Variants in GSE1 observed in about 807,000 individuals in gnomAD.
GSE1 encodes the protein Gse1 coiled-coil protein.
Under a neutral mutation model 112.6 loss-of-function variants are expected in GSE1, and 32 were observed. The ratio of observed to expected loss-of-function variants is 0.28; its 90% CI spans 0.21 to 0.38. The LOEUF is 0.38. Among genes scored for constraint, GSE1 ranks in the 10% least tolerant of loss-of-function variants. The pLI is 1.00. For missense variants in GSE1, 2,348 were observed against 1,699.2 expected, an observed-to-expected ratio of 1.38 and a Z score of -6.71; for synonymous variants, 1,115 against 735.6, an observed-to-expected ratio of 1.52 and a Z score of -8.35.
At position 85,357,524 on chromosome 16, in the gene GSE1, C is replaced by T. The variant is rs1190880153; in HGVS notation, c.2345C>T (p.Thr782Ile). The change falls in exon 2 of 3, where the codon ACC becomes ATC. Residue 782 changes from threonine (T) to isoleucine (I), a missense_variant. By Grantham distance (89) the Thr-to-Ile change is moderately conservative (BLOSUM62 -1). Transcript: ENST00000637419. ...CACCCTCCCACCCGGGAGTCCGAGACCCGGCCACGCGCCCCCACGGAGACC... is the reference window on the plus strand; with the variant it reads ...CACCCTCCCACCCGGGAGTCCGAGATCCGGCCACGCGCCCCCACGGAGACC... The T allele has an allele frequency of 2.4e-6, 3 of 1,269,212 alleles. No individual in the cohort carries two copies. The Admixed American group carries it at 7.6e-5, about 32-fold the overall frequency. The allele number at this position is 1,269,212 out of a possible 1,614,324, so 78.6% of individuals were successfully genotyped here. A position where few individuals can be genotyped will look rare whatever the true frequency, so the allele number is the denominator to read the frequency against.
intron 1 of GSE1, among the ~76,000 whole-genome samples, chr16:85,303,788 C>G (rs574076948): frequency 1.6e-3 from 246 of 152,344 alleles, no homozygotes; most frequent in African/African-American, 5.8e-3. Context: ...AGTTTCCTCA[C>G]GAGTGAAACG....
intron 2 of GSE1, among the ~76,000 whole-genome samples, chr16:85,529,287 G>A (rs529564753): frequency 9.9e-5 from 15 of 152,182 alleles, no homozygotes; most frequent in Non-Finnish European, 2.1e-4. Flanking sequence ...CGTGGCAAGC[G>A]AGCAGCGGCC....
intron 1 of GSE1, among the ~76,000 whole-genome samples, chr16:85,354,884 C>G (rs1216517358): frequency 6.6e-6 from 1 of 152,242 alleles, no homozygotes; most frequent in African/African-American, 2.4e-5. Flanking sequence ...AGCTCAGTCC[C>G]CAGGGTGGGA....
chr16:85,386,833 A>G (rs1248603770), intron 2 of GSE1, among the ~76,000 whole-genome samples: 3 of 151,974 alleles, frequency 2.0e-5, no homozygotes, highest in South Asian at 2.1e-4. Flanking sequence ...ATTTTACCCT[A>G]TGGGTGCTGG....
chr16:85,531,888 G>A (rs1215316110), intron 2 of GSE1, among the ~76,000 whole-genome samples: 3 of 152,156 alleles, frequency 2.0e-5, no homozygotes, highest in Non-Finnish European at 2.9e-5. Context: ...TATTTTGGCT[G>A]ATTGAGGCTC....
chr16:85,478,843 C>T (rs1191644481), intron 2 of GSE1, among the ~76,000 whole-genome samples: 1 of 4,190 alleles, frequency 2.4e-4, no homozygotes, highest in Admixed American at 3.0e-3. Flanking sequence ...CATTTATTTT[C>T]TTTCTTTCTT....
chr16:85,666,337 G>A lies in GSE1; in HGVS notation c.3120G>A (p.Gln1040=), dbSNP rs1292065820. 4 of 1,613,620 alleles carry A rather than the reference G, an allele frequency of 2.5e-6. No homozygotes were observed. Among genetic ancestry groups the A allele is most frequent in the East Asian group, 2.2e-5 (1 of 44,904 alleles). The change falls in exon 13 of 16, where the codon CAG becomes CAA. Residue 1040 remains glutamine, a synonymous_variant. Coordinates refer to ENST00000253458, the MANE Select transcript of GSE1 (RefSeq NM_014615.5). ...SVLQSTQKAL[Q]KHKGSVAVLS... is the part of the protein sequence containing the mutation. ...TGCAGTCCACCCAGAAGGCCCTGCA[G>A]AAGCATAAAGGTAATGAGGCTGCCA...
At chr16:85,243,424 T>C (rs1213289290) in intron 1 of GSE1, among the ~76,000 whole-genome samples, 1 of 152,254 alleles carries the variant, frequency 6.6e-6, no homozygotes, top group African/African-American at 2.4e-5. Flanking sequence ...GCTCACAGTT[T>C]TGCTGCTGAA....
rs1201133945 is a variant in GSE1 at position 85,634,066 on chromosome 16, G to C, written c.160G>C (p.Ala54Pro). The change falls in exon 2 of 16, where the codon GCC becomes CCC. Residue 54 changes from alanine (A) to proline (P), a missense_variant. Transcript: ENST00000253458. ...PATSSALSAQ[A>P]APSSSFAAAL... The stretch of plus-strand genomic sequence containing the variant: ...CACCAGCAGCGCGCTGTCGGCCCAG[G>C]CCGCGCCATCCTCCAGCTTTGCCGC... 3.7e-6 allele frequency: 6 copies of C among 1,606,154 alleles called. No individual in the cohort carries two copies. Among genetic ancestry groups the C allele is most frequent in the Non-Finnish European group, 4.2e-6 (5 of 1,176,848 alleles).
intron 1 of GSE1, among the ~76,000 whole-genome samples, chr16:85,227,684 G>C (rs2143808497): frequency 6.6e-6 from 1 of 152,314 alleles, no homozygotes; most frequent in Admixed American, 6.5e-5. Context: ...AGGGCAGGCA[G>C]AGAGGAAGTG....
At chr16:85,424,031 C>T (rs1218314092) in intron 2 of GSE1, among the ~76,000 whole-genome samples, 9 of 152,262 alleles carry the variant, frequency 5.9e-5, no homozygotes, top group African/African-American at 1.7e-4. Context: ...CCAGGGAGGC[C>T]AGAGCCTCCT....
intron 2 of GSE1, among the ~76,000 whole-genome samples, chr16:85,411,875 C>G (rs2048564635): frequency 4.9e-5 from 1 of 20,396 alleles, no homozygotes; most frequent in Admixed American, 2.3e-4. Context: ...CTCAGGCCCC[C>G]CGGATAATCC....
chr16:85,339,994 C>A (rs2046590624), intron 1 of GSE1, among the ~76,000 whole-genome samples: 1 of 152,202 alleles, frequency 6.6e-6, no homozygotes, highest in African/African-American at 2.4e-5. Context: ...TGTTTTATGT[C>A]CCCTGGTCCC....
At chr16:85,276,663 C>T (rs1249471502) in intron 1 of GSE1, among the ~76,000 whole-genome samples, 3 of 152,132 alleles carry the variant, frequency 2.0e-5, no homozygotes, top group African/African-American at 4.8e-5. Context: ...GAGGATGCTT[C>T]GGTGGCGGGA....
At chr16:85,355,559 G>C (rs1428215710) in intron 1 of GSE1, among the ~76,000 whole-genome samples, 1 of 152,226 alleles carries the variant, frequency 6.6e-6, no homozygotes, top group Non-Finnish European at 1.5e-5. Context: ...AGGGCGGGGA[G>C]CAGGGAGCCT....
intron 1 of GSE1, among the ~76,000 whole-genome samples, chr16:85,234,132 CCTAGTGCTG>C (rs1451426487): frequency 6.6e-6 from 1 of 152,150 alleles, no homozygotes; most frequent in Non-Finnish European, 1.5e-5. Context: ...GAAGAACCCA[CCTAGTGCTG>C]CAAGGGAGTC....
rs1180549122 is a variant in GSE1 at position 85,675,551 on chromosome 16, C to T, written c.*3012C>T. The stretch of plus-strand genomic sequence containing the variant: ...TGCACCCTTAAGAGTATTCAGAGAG[C>T]ATCAAAAGGAGCCCACACCTTCAGC... On this transcript the variant is annotated 3_prime_UTR_variant, in exon 16 of 16. Transcript: ENST00000253458. 1 of 152,150 alleles carries T rather than the reference C, an allele frequency of 6.6e-6. No homozygotes were observed. Among genetic ancestry groups the T allele is most frequent in the Non-Finnish European group, 1.5e-5 (1 of 68,030 alleles). The allele number at this position is 152,150 out of a possible 1,614,324, so 9.4% of individuals were successfully genotyped here.
intron 1 of GSE1, among the ~76,000 whole-genome samples, chr16:85,575,352 G>T (rs946116140): frequency 7.2e-5 from 11 of 152,108 alleles, no homozygotes; most frequent in African/African-American, 2.4e-4. Flanking sequence ...TCTGCTATCC[G>T]GCATAAACAT....
chr16:85,520,501 A>G (rs947864245), intron 2 of GSE1, among the ~76,000 whole-genome samples: 1 of 145,690 alleles, frequency 6.9e-6, no homozygotes, highest in Non-Finnish European at 1.5e-5. Flanking sequence ...GGCTCACTGC[A>G]ACCTCAGCCT....
Sources: allele counts gnomAD v4.1 joint callset (sites outside exome capture counted in the v4.1 genomes callset), GRCh38; gene constraint gnomAD v4.1.1; transcripts MANE v1.5; gene names NCBI Gene and HGNC (gene_info 2026-07-23, HGNC 2026-07-21).